The following PPP2R2B variants were observed in gnomAD, a reference collection of about 807,000 sequenced individuals.
PPP2R2B encodes the protein serine/threonine-protein phosphatase 2A 55 kDa regulatory subunit B beta isoform.
PPP2R2B carries 5 observed loss-of-function variants against 46.0 expected under a neutral mutation model. The ratio of observed to expected loss-of-function variants is 0.11; its 90% CI spans 0.06 to 0.23. The LOEUF is 0.23. Ranked by LOEUF, PPP2R2B falls within the 10% of genes least tolerant of loss-of-function variation. The pLI is 1.00. For synonymous variants in PPP2R2B, 215 were observed against 206.7 expected, an observed-to-expected ratio of 1.04 and a Z score of -0.34; for missense variants, 367 against 575.0, an observed-to-expected ratio of 0.64 and a Z score of 3.70.
At chr5:146,877,963 C>T in intron 2 of PPP2R2B, 39 bp downstream of exon 2, 2 of 1,598,348 alleles carry the variant, frequency 1.3e-6, no homozygotes, top group South Asian at 2.3e-5. Flanking sequence ...GCAACTTGCG[C>T]CCGGCCCCAA....
chr5:146,944,701 T>G (rs1764425198), intron 1 of PPP2R2B, among the ~76,000 whole-genome samples: 1 of 152,278 alleles, frequency 6.6e-6, no homozygotes, highest in South Asian at 2.1e-4. Flanking sequence ...AAAAGGCTGA[T>G]TTTATCAGTA....
rs1395341326 is a variant in PPP2R2B, at chr5:146,903,684, C to T, written c.79+151981G>A. ...AAGTGCTGGAATTACAGGTGTGAGC[C>T]ACCATGCCCAGTCAAAAGAACCACT... On this transcript the variant is annotated intron_variant, in intron 1 of 8. Coordinates refer to the PPP2R2B transcript ENST00000336640. Among the ~76,000 whole-genome samples the T allele has an allele frequency of 3.3e-5, 5 of 152,092 alleles. No individual in the cohort carries two copies. In the East Asian group the frequency reaches 9.6e-4, roughly 29 times the overall value.
At chr5:146,906,517 T>G (rs1165875637) in intron 1 of PPP2R2B, among the ~76,000 whole-genome samples, 1 of 152,214 alleles carries the variant, frequency 6.6e-6, no homozygotes, top group East Asian at 1.9e-4. Flanking sequence ...AGACGGGGTT[T>G]CTACATATTG....
At chr5:146,850,372 C>T (rs996370948) in intron 2 of PPP2R2B, among the ~76,000 whole-genome samples, 8 of 152,150 alleles carry the variant, frequency 5.3e-5, no homozygotes, top group Non-Finnish European at 8.8e-5. Flanking sequence ...ATCTTCCCTA[C>T]ATTTAAGCAT....
intron 1 of PPP2R2B, among the ~76,000 whole-genome samples, chr5:147,008,640 T>C (rs1033089450): frequency 1.2e-4 from 18 of 152,100 alleles, no homozygotes; most frequent in South Asian, 4.1e-4. Context: ...AGCTCAAGAG[T>C]CACCTCTTCT....
intron 2 of PPP2R2B, among the ~76,000 whole-genome samples, chr5:146,796,645 T>C (rs1057344943): frequency 6.6e-6 from 1 of 152,180 alleles, no homozygotes; most frequent in African/African-American, 2.4e-5. Context: ...AAGGATTTGC[T>C]GAATGAACAA....
At chr5:146,687,138 C>A (rs1778560558) in intron 5 of PPP2R2B, among the ~76,000 whole-genome samples, 3 of 151,792 alleles carry the variant, frequency 2.0e-5, no homozygotes, top group Admixed American at 1.3e-4. Context: ...TCGATTAATC[C>A]CCTCACCTGG....
intron 2 of PPP2R2B, among the ~76,000 whole-genome samples, chr5:146,818,092 A>T (rs961822465): frequency 3.3e-5 from 5 of 152,164 alleles, no homozygotes; most frequent in Non-Finnish European, 7.3e-5. Flanking sequence ...GGGTCAGGTT[A>T]TCTCAGCACA....
intron 2 of PPP2R2B, among the ~76,000 whole-genome samples, chr5:147,075,914 G>T (rs1447856817): frequency 1.4e-5 from 2 of 146,876 alleles, no homozygotes; most frequent in East Asian, 4.0e-4. Flanking sequence ...CATGATTAGT[G>T]AATAATGTCT....
intron 1 of PPP2R2B, among the ~76,000 whole-genome samples, chr5:146,965,769 T>A (rs1468859065): frequency 6.6e-6 from 1 of 152,184 alleles, no homozygotes; most frequent in African/African-American, 2.4e-5. Context: ...TTGATAATAA[T>A]TCTTCTTAAA....
intron 2 of PPP2R2B, among the ~76,000 whole-genome samples, chr5:146,742,947 G>C (rs564764688): frequency 6.6e-6 from 1 of 152,170 alleles, no homozygotes; most frequent in East Asian, 1.9e-4. Flanking sequence ...ACCACAGGAG[G>C]CTAGGAGAGG....
chr5:147,065,177 G>T (rs1757382475), intron 2 of PPP2R2B, among the ~76,000 whole-genome samples: 1 of 152,082 alleles, frequency 6.6e-6, no homozygotes, highest in Non-Finnish European at 1.5e-5. Context: ...TAATGCATTT[G>T]GTAAGTGTAT....
intron 2 of PPP2R2B, among the ~76,000 whole-genome samples, chr5:146,842,481 C>CTTTT (rs1290808345): frequency 5.9e-5 from 8 of 135,234 alleles, no homozygotes; most frequent in African/African-American, 2.3e-4. Context: ...CCTCCATGCC[C>CTTTT]TTTTTTTTTT....
At chr5:146,832,387 T>A (rs1008858474) in intron 2 of PPP2R2B, among the ~76,000 whole-genome samples, 12 of 132,332 alleles carry the variant, frequency 9.1e-5, no homozygotes, top group South Asian at 7.8e-4. Flanking sequence ...ATCTTTTTTT[T>A]TTTTTTTTTT....
intron 1 of PPP2R2B, among the ~76,000 whole-genome samples, chr5:147,029,711 A>C (rs1307571416): frequency 6.6e-6 from 1 of 152,232 alleles, no homozygotes; most frequent in Non-Finnish European, 1.5e-5. Context: ...TGGTATACTT[A>C]TAAGAAAAGG....
intron 2 of PPP2R2B, among the ~76,000 whole-genome samples, chr5:146,857,688 A>C (rs1056882886): frequency 1.4e-5 from 2 of 143,682 alleles, no homozygotes; most frequent in Admixed American, 7.0e-5. Context: ...TAACTGTACT[A>C]ATTTTTTTTT....
intron 7 of PPP2R2B, among the ~76,000 whole-genome samples, chr5:146,630,220 A>G (rs888321071): frequency 3.9e-5 from 6 of 152,092 alleles, no homozygotes; most frequent in African/African-American, 7.2e-5. Context: ...GGGCCTTCAC[A>G]CTTAGATGTT....
At chr5:147,055,933 C>T (rs1168122110) in exon 1 of PPP2R2B, 3 of 1,414,990 alleles carry the variant, frequency 2.1e-6, no homozygotes, top group South Asian at 1.6e-5. Context: ...GGAAGCACTG[C>T]CTTACATTTC....
intron 2 of PPP2R2B, among the ~76,000 whole-genome samples, chr5:146,804,468 T>C (rs1054606374): frequency 1.3e-5 from 2 of 152,148 alleles, no homozygotes; most frequent in Non-Finnish European, 2.9e-5. Flanking sequence ...CCATCCCCTC[T>C]AACCCTGCTC....
Sources: allele counts gnomAD v4.1 joint callset (sites outside exome capture counted in the v4.1 genomes callset), GRCh38; gene constraint gnomAD v4.1.1; transcripts MANE v1.5; gene names NCBI Gene and HGNC (gene_info 2026-07-23, HGNC 2026-07-21).